The following WIF1 variants were observed in gnomAD, a reference collection of about 807,000 sequenced individuals.
The protein encoded by WIF1 is Wnt inhibitory factor 1.
WIF1 carries 35 observed loss-of-function variants against 53.5 expected under a neutral mutation model. The ratio of observed to expected loss-of-function variants is 0.65; its 90% confidence interval spans 0.50 to 0.87. The LOEUF is 0.87. WIF1 is among the 40% of genes least tolerant of loss of function. The pLI is 0.00. For synonymous variants in WIF1, 171 were observed against 170.4 expected, an observed-to-expected ratio of 1.00 and a Z score of -0.03; for missense variants, 467 against 476.8, an observed-to-expected ratio of 0.98 and a Z score of 0.19.
intron 2 of WIF1, among the ~76,000 whole-genome samples, chr12:65,105,548 G>A (rs1046720767): frequency 6.6e-6 from 1 of 152,196 alleles, no homozygotes; most frequent in Admixed American, 6.5e-5. Flanking sequence ...ACAATATGGC[G>A]GAGAAGCAGA....
intron 2 of WIF1, among the ~76,000 whole-genome samples, chr12:65,080,369 G>A (rs1411486569): frequency 6.6e-6 from 1 of 152,168 alleles, no homozygotes; most frequent in Non-Finnish European, 1.5e-5. Context: ...CTGTTTAAGG[G>A]AAGGCAGAGG....
At chr12:65,057,071 T>A (rs1230833276) in intron 7 of WIF1, among the ~76,000 whole-genome samples, 1 of 151,922 alleles carries the variant, frequency 6.6e-6, no homozygotes, top group Non-Finnish European at 1.5e-5. Flanking sequence ...TTTGGGGAAG[T>A]GATTGTAGGA....
chr12:65,099,762 A>G (rs1298262441), intron 2 of WIF1, among the ~76,000 whole-genome samples: 1 of 152,146 alleles, frequency 6.6e-6, no homozygotes, highest in Non-Finnish European at 1.5e-5. Flanking sequence ...ACCCATAAGA[A>G]TGTATTTGTT....
chr12:65,103,965 T>C (rs1221326173), intron 2 of WIF1, among the ~76,000 whole-genome samples: 2 of 144,548 alleles, frequency 1.4e-5, no homozygotes, highest in African/African-American at 2.5e-5. Context: ...CCTGGGAGGC[T>C]GAAGTGGGAG....
rs557084781 is a variant in WIF1 at position 65,085,619 on chromosome 12, G to T, written c.289-7765C>A. ...GTAGCTATTTATTTTACTGATCATGGCTTAAACAGGCGATAGAAGAAACAT... is the reference window on the plus strand; with the variant it reads ...GTAGCTATTTATTTTACTGATCATGTCTTAAACAGGCGATAGAAGAAACAT... On this transcript the variant is annotated intron_variant, in intron 2 of 9. Transcript: ENST00000286574. Among the ~76,000 whole-genome samples, 7 of 152,262 alleles carry T rather than the reference G, an allele frequency of 4.6e-5. No individual in the cohort carries two copies. The East Asian group carries it at 1.4e-3, about 29-fold the overall frequency.
chr12:65,052,547 T>C (rs1232190355), intron 9 of WIF1, among the ~76,000 whole-genome samples: 1 of 152,214 alleles, frequency 6.6e-6, no homozygotes, highest in Non-Finnish European at 1.5e-5. Context: ...ACTGGGAGTA[T>C]GTTCTTAGCA....
Position 65,121,277 on chromosome 12 carries a change from A to G in WIF1, c.-86T>C. ...GCCGTCAGATACTCTGCTGCGCTGC[A>G]GCTCCCTCAGCCAGGGCTGTTCCCG... is the stretch of plus-strand genomic sequence containing the variant. On this transcript the variant is annotated 5_prime_UTR_variant, in exon 1 of 10. Transcript: ENST00000286574. 3.0e-6 allele frequency: 4 copies of G among 1,337,430 alleles called. No individual in the cohort carries two copies. The highest frequency in any genetic ancestry group is 2.9e-6 in the Non-Finnish European group (3 of 1,039,570). 82.8% of individuals were successfully genotyped at this position (1,337,430 alleles called of 1,614,324 possible).
At chr12:65,115,779 G>T (rs1464734338) in intron 2 of WIF1, among the ~76,000 whole-genome samples, 1 of 152,192 alleles carries the variant, frequency 6.6e-6, no homozygotes, top group Non-Finnish European at 1.5e-5. Flanking sequence ...AATGGGAATT[G>T]CAGGGAGAGG....
Position 65,111,137 on chromosome 12 carries a change from C to T in WIF1, c.288+9280G>A, listed in dbSNP as rs181701113. On this transcript the variant is annotated intron_variant, in intron 2 of 9. Transcript: ENST00000286574. Reference sequence around the variant, plus strand: ...GTGAAGCAGAGCAGAGAAAATGAGGCACTCCTTGTTCCTGGCACCAAGATT... The same window carrying T: ...GTGAAGCAGAGCAGAGAAAATGAGGTACTCCTTGTTCCTGGCACCAAGATT... Among the ~76,000 whole-genome samples, 334 of 152,318 alleles carry T rather than the reference C, an allele frequency of 2.2e-3. 1 individual carries two copies. Among genetic ancestry groups the T allele is most frequent in the Non-Finnish European group, 3.9e-3 (267 of 68,030 alleles).
chr12:65,121,006 A>G, intron 1 of WIF1, 38 bp downstream of exon 1: 1 of 1,429,128 alleles, frequency 7.0e-7, no homozygotes, highest in Non-Finnish European at 9.2e-7. Context: ...AGAGAGGAGG[A>G]CATAGGCAGG....
chr12:65,115,670 T>C (rs1883497886), intron 2 of WIF1, among the ~76,000 whole-genome samples: 1 of 152,226 alleles, frequency 6.6e-6, no homozygotes, highest in Non-Finnish European at 1.5e-5. Context: ...AAGGCTAAGC[T>C]TTTGCAGTAG....
intron 2 of WIF1, chr12:65,083,957 C>G (rs528277920): frequency 7.9e-6 from 2 of 252,838 alleles, no homozygotes; most frequent in Non-Finnish European, 1.5e-5. Flanking sequence ...TCCCATCTCA[C>G]CCCTCCAAGT....
intron 3 of WIF1, among the ~76,000 whole-genome samples, chr12:65,071,451 A>G (rs1250117227): frequency 6.6e-6 from 1 of 152,158 alleles, no homozygotes; most frequent in Admixed American, 6.5e-5. Context: ...GCAGATAACT[A>G]AAGATGTAGT....
At chr12:65,052,051 T>C (rs1395726571) in intron 9 of WIF1, among the ~76,000 whole-genome samples, 1 of 152,214 alleles carries the variant, frequency 6.6e-6, no homozygotes, top group African/African-American at 2.4e-5. Flanking sequence ...TGGGCATCTA[T>C]CTGTTTCCAG....
In WIF1 at chr12:65,092,562, G is replaced by A. The variant is rs187223237; in HGVS notation, c.289-14708C>T. On this transcript the variant is annotated intron_variant, in intron 2 of 9. Coordinates refer to ENST00000286574, the MANE Select transcript of WIF1 (RefSeq NM_007191.5). ...TTGCTGTTTCTGAGAGGACAGACTC[G>A]GAAGACTGCTGGGCTGGGATGTTTT... 1.1e-3 allele frequency among the ~76,000 whole-genome samples: 167 copies of A among 151,094 alleles called. 1 individual carries two copies. Among genetic ancestry groups the A allele is most frequent in the Non-Finnish European group, 1.9e-3 (131 of 67,856 alleles).
chr12:65,120,077 A>G (rs774654445), intron 2 of WIF1, among the ~76,000 whole-genome samples: 1 of 152,240 alleles, frequency 6.6e-6, no homozygotes, highest in South Asian at 2.1e-4. Flanking sequence ...AGAAACTACT[A>G]TGCAAAAAGA....
At chr12:65,077,608 G>A (rs1416765228) in intron 3 of WIF1, 138 bp downstream of exon 3, 2 of 637,310 alleles carry the variant, frequency 3.1e-6, no homozygotes, top group Non-Finnish European at 5.4e-6. Context: ...AAGAATAACA[G>A]TCAAACTGTC....
At chr12:65,100,516 T>G (rs1883266748) in intron 2 of WIF1, among the ~76,000 whole-genome samples, 2 of 152,172 alleles carry the variant, frequency 1.3e-5, no homozygotes, top group Admixed American at 1.3e-4. Flanking sequence ...GTTGGAAGTA[T>G]GGAGTAGTCA....
intron 2 of WIF1, among the ~76,000 whole-genome samples, chr12:65,101,303 G>A (rs1055250010): frequency 6.6e-6 from 1 of 152,174 alleles, no homozygotes; most frequent in African/African-American, 2.4e-5. Flanking sequence ...TTTCTCAGTT[G>A]TTTGTAAAGA....
Sources: allele counts gnomAD v4.1 joint callset (sites outside exome capture counted in the v4.1 genomes callset), GRCh38; gene constraint gnomAD v4.1.1; transcripts MANE v1.5; gene names NCBI Gene and HGNC (gene_info 2026-07-23, HGNC 2026-07-21).